The following ASIC2 variants were observed in gnomAD, a reference collection of about 807,000 sequenced individuals.
The protein encoded by ASIC2 is acid sensing ion channel subunit 2, also known as acid-sensing ion channel 2.
A neutral mutation model predicts 57.3 loss-of-function variants in ASIC2; 25 were observed. The ratio of observed to expected loss-of-function variants is 0.44; its 90% CI spans 0.32 to 0.61. ASIC2 has a LOEUF of 0.61. Among genes scored for constraint, ASIC2 ranks in the 20% least tolerant of loss-of-function variants. ASIC2 has a pLI of 0.06. For synonymous variants in ASIC2, 319 were observed against 307.5 expected (o/e 1.04, Z -0.39); for missense variants, 641 against 738.1 (o/e 0.87, Z 1.52).
chr17:33,401,574 C>A (rs566515219), intron 1 of ASIC2, among the ~76,000 whole-genome samples: 1 of 152,156 alleles, frequency 6.6e-6, no homozygotes, highest in Non-Finnish European at 1.5e-5. Context: ...GTTTCTCTTG[C>A]CCCTAATTGA....
chr17:33,303,312 A>G (rs1906034871), intron 1 of ASIC2, among the ~76,000 whole-genome samples: 1 of 152,234 alleles, frequency 6.6e-6, no homozygotes, highest in African/African-American at 2.4e-5. Flanking sequence ...GTGGGTTCTC[A>G]GTAATCTGCT....
intron 1 of ASIC2, among the ~76,000 whole-genome samples, chr17:33,156,916 G>A (rs574984531): frequency 7.2e-5 from 11 of 152,252 alleles, no homozygotes; most frequent in Non-Finnish European, 7.4e-5. Flanking sequence ...TCAGGGCTGG[G>A]AACCACTGCC....
At chr17:34,054,933 T>C (rs1908710404) in intron 1 of ASIC2, among the ~76,000 whole-genome samples, 1 of 152,178 alleles carries the variant, frequency 6.6e-6, no homozygotes, top group Non-Finnish European at 1.5e-5. Flanking sequence ...TCTTGAAGAC[T>C]TAAAGCACAA....
At chr17:33,056,714 A>G (rs2091999584) in intron 3 of ASIC2, among the ~76,000 whole-genome samples, 1 of 152,218 alleles carries the variant, frequency 6.6e-6, no homozygotes, top group Non-Finnish European at 1.5e-5. Flanking sequence ...TGAGCAGAAT[A>G]GGCTATTAAA....
chr17:33,391,789 A>T (rs936151658), intron 1 of ASIC2, among the ~76,000 whole-genome samples: 3 of 152,236 alleles, frequency 2.0e-5, no homozygotes, highest in Admixed American at 6.5e-5. Context: ...GAACTCATAT[A>T]TGTGCCAGGT....
chr17:33,224,882 T>G (rs1271878025), intron 1 of ASIC2, among the ~76,000 whole-genome samples: 2 of 152,194 alleles, frequency 1.3e-5, no homozygotes, highest in Non-Finnish European at 2.9e-5. Flanking sequence ...CAGGTACTAC[T>G]GGTGGTAGGA....
intron 1 of ASIC2, among the ~76,000 whole-genome samples, chr17:33,469,741 C>T (rs1329222563): frequency 6.6e-6 from 1 of 152,076 alleles, no homozygotes; most frequent in East Asian, 1.9e-4. Context: ...GATGTGATAC[C>T]ATATTAAAAA....
intron 1 of ASIC2, among the ~76,000 whole-genome samples, chr17:34,134,249 A>G (rs1912069991): frequency 1.3e-5 from 2 of 152,162 alleles, no homozygotes; most frequent in African/African-American, 4.8e-5. Context: ...TGCATTTGAA[A>G]TGTTGTAAAT....
intron 1 of ASIC2, among the ~76,000 whole-genome samples, chr17:33,447,912 C>CAAAAAAAA (rs34092157): frequency 8.2e-5 from 6 of 73,064 alleles, no homozygotes; most frequent in Admixed American, 1.5e-4. Context: ...GACTCAGTCT[C>CAAAAAAAA]AAAAAAAAAA....
At chr17:33,408,485 A>G (rs1910544032) in intron 1 of ASIC2, among the ~76,000 whole-genome samples, 1 of 152,232 alleles carries the variant, frequency 6.6e-6, no homozygotes, top group Non-Finnish European at 1.5e-5. Flanking sequence ...CATCTTTAAA[A>G]CACAGGATAA....
chr17:33,689,474 T>A (rs8072659), intron 1 of ASIC2, among the ~76,000 whole-genome samples: 80,905 of 152,042 alleles, frequency 0.53, 22,611 homozygotes, highest in African/African-American at 0.71. Context: ...TCTCAGAGAC[T>A]TAGACTCAGT....
At chr17:33,894,342 CGTGCGTGCGTGTGTGTGTGTGTGTGT>C (rs1175112620) in intron 1 of ASIC2, among the ~76,000 whole-genome samples, 1 of 65,242 alleles carries the variant, frequency 1.5e-5, no homozygotes, top group African/African-American at 5.9e-5. Context: ...TGCGTGCGTG[CGTGCGTGCGTGTGTGTGTGTGTGTGT>C]GTGTGTGTGT....
intron 1 of ASIC2, among the ~76,000 whole-genome samples, chr17:34,021,015 T>A: frequency 6.6e-6 from 1 of 152,140 alleles, no homozygotes; most frequent in Admixed American, 6.5e-5. Context: ...CACCCATTCC[T>A]GTCTCCATGT....
At chr17:33,890,280 TTATAACACCAAC>T (rs1491002649) in intron 1 of ASIC2, among the ~76,000 whole-genome samples, 1 of 152,188 alleles carries the variant, frequency 6.6e-6, no homozygotes, top group East Asian at 1.9e-4. Flanking sequence ...CTGTCATGCA[TTATAACACCAAC>T]TGGCTCCCAT....
chr17:34,155,272 C>T (rs150127312), intron 1 of ASIC2, among the ~76,000 whole-genome samples: 165 of 152,278 alleles, frequency 1.1e-3, no homozygotes, highest in Non-Finnish European at 1.4e-3. Context: ...CACGTGCCTC[C>T]GCCCAGACCC....
chr17:33,697,462 A>G (rs1461717660), intron 1 of ASIC2, among the ~76,000 whole-genome samples: 1 of 152,208 alleles, frequency 6.6e-6, no homozygotes, highest in African/African-American at 2.4e-5. Context: ...GGTCACCTGT[A>G]TTTGTGAAGA....
At chr17:33,301,196 ATT>A (rs779633855) in intron 1 of ASIC2, among the ~76,000 whole-genome samples, 6 of 141,080 alleles carry the variant, frequency 4.3e-5, no homozygotes, top group Admixed American at 7.1e-5. Context: ...TGCCTGGCTA[ATT>A]TTTTTTTTTT....
At chr17:33,602,346 C>T (rs1483354941) in intron 1 of ASIC2, among the ~76,000 whole-genome samples, 2 of 152,156 alleles carry the variant, frequency 1.3e-5, no homozygotes, top group African/African-American at 4.8e-5. Context: ...TTCATGATGG[C>T]TCTTGCCCTT....
chr17:33,138,481 G>T (rs2092374446), intron 1 of ASIC2, among the ~76,000 whole-genome samples: 1 of 152,210 alleles, frequency 6.6e-6, no homozygotes, highest in Non-Finnish European at 1.5e-5. Context: ...CACATCCCTT[G>T]CTCACTATTG....
Sources: gnomAD v4.1 joint callset for allele counts (sites outside exome capture counted in the v4.1 genomes callset) on GRCh38, gnomAD v4.1.1 for gene constraint, MANE v1.5 for transcripts, NCBI Gene and HGNC (gene_info 2026-07-23, HGNC 2026-07-21) for gene names.